Variants in DNAJC6 observed in about 807,000 individuals in gnomAD.
DNAJC6 encodes the protein auxilin.
DNAJC6 carries 34 observed loss-of-function variants against 110.0 expected under a neutral mutation model. That is an observed-to-expected ratio of 0.31 (90% CI 0.24 to 0.41). The LOEUF is 0.41. Among genes scored for constraint, DNAJC6 ranks in the 10% least tolerant of loss-of-function variants. DNAJC6 has a pLI of 1.00. For missense variants in DNAJC6, 1,031 were observed against 1,207.8 expected, an observed-to-expected ratio of 0.85 and a Z score of 2.17; for synonymous variants, 406 against 437.2, an observed-to-expected ratio of 0.93 and a Z score of 0.89.
At chr1:65,320,830 G>T (rs1034315344) in intron 1 of DNAJC6, among the ~76,000 whole-genome samples, 6 of 152,110 alleles carry the variant, frequency 3.9e-5, no homozygotes, top group Admixed American at 3.9e-4. Flanking sequence ...ATCTTCCAGG[G>T]GCTGGTCAGG....
At chr1:65,344,028 T>G (rs1645413755) in intron 1 of DNAJC6, among the ~76,000 whole-genome samples, 1 of 152,192 alleles carries the variant, frequency 6.6e-6, no homozygotes, top group Admixed American at 6.5e-5. Context: ...GACTGTATCC[T>G]CTATGGAAAA....
chr1:65,408,649 C>A lies in DNAJC6; in HGVS notation c.2500C>A (p.Gln834Lys), dbSNP rs762027402. ...CAAAAATTATATTGCAGAAGGGAAACAAAAAGCAGCTGATTTTGAAGACCT... is the reference window on the plus strand; with the variant it reads ...CAAAAATTATATTGCAGAAGGGAAAAAAAAAGCAGCTGATTTTGAAGACCT... The part of the protein sequence containing the change: ...GKGSSNLEGK[Q>K]KAADFEDLLS... The change falls in exon 17 of 19, where the codon CAA becomes AAA. Residue 834 changes from glutamine to lysine, a missense_variant. By Grantham distance (53) the Gln-to-Lys change is moderately conservative (BLOSUM62 1). Coordinates refer to ENST00000371069, the MANE Select transcript of DNAJC6 (RefSeq NM_001256864.2). 12 of 1,608,518 alleles carry A rather than the reference C, an allele frequency of 7.5e-6. No homozygotes were observed. In the South Asian group the frequency reaches 1.1e-4, roughly 15 times the overall value.
intron 1 of DNAJC6, chr1:65,279,253 C>T: frequency 1.4e-6 from 1 of 735,670 alleles, no homozygotes; most frequent in Non-Finnish European, 1.7e-6. Context: ...GCTGTGACTC[C>T]TGCTGCTGTG....
chr1:65,327,923 C>T (rs79644308), intron 1 of DNAJC6, among the ~76,000 whole-genome samples: 8,637 of 152,152 alleles, frequency 0.057, 284 homozygotes, highest in Non-Finnish European at 0.079. Flanking sequence ...CCATGTTGCC[C>T]AGTCTGGTTG....
rs139999688 is a variant in DNAJC6 at position 65,336,007 on chromosome 1, C to A, written c.193+26069C>A. Among the ~76,000 whole-genome samples, 34 of 152,184 alleles carry A rather than the reference C, an allele frequency of 2.2e-4. No individual in the cohort carries two copies. In the East Asian group the frequency reaches 6.4e-3, roughly 29 times the overall value. ...AGGCAGTGAGAAAAGGTTGATTATA[C>A]CTCTTTGTATGTGGTAATATAAAAA... On this transcript the variant is annotated intron_variant, in intron 1 of 18. Coordinates refer to ENST00000371069, the MANE Select transcript of DNAJC6 (RefSeq NM_001256864.2).
At chr1:65,387,638 A>G (rs1395099048) in intron 8 of DNAJC6, among the ~76,000 whole-genome samples, 5 of 152,234 alleles carry the variant, frequency 3.3e-5, no homozygotes, top group Non-Finnish European at 1.5e-5. Flanking sequence ...ATTATCTTAT[A>G]TGGCCAAATA....
chr1:65,283,408 A>T (rs1653913797), intron 1 of DNAJC6, among the ~76,000 whole-genome samples: 1 of 152,112 alleles, frequency 6.6e-6, no homozygotes, highest in Non-Finnish European at 1.5e-5. Flanking sequence ...GGTATCCCCA[A>T]GATTGCCTTT....
Position 65,334,233 on chromosome 1 carries a change from C to T in DNAJC6, c.193+24295C>T, listed in dbSNP as rs144100670. Among the ~76,000 whole-genome samples the T allele has an allele frequency of 2.3e-3, 357 of 152,306 alleles. 1 individual carries two copies. Among genetic ancestry groups the T allele is most frequent in the African/African-American group, 8.0e-3 (332 of 41,560 alleles). On this transcript the variant is annotated intron_variant, in intron 1 of 18. Transcript: ENST00000371069. ...AGTAGGAGAACATGGGTTACAAAAT[C>T]CTTAAGCTTGACAGCCTCTGGCAAG... is the stretch of plus-strand genomic sequence containing the variant.
chr1:65,401,633 T>C (rs1306071622), intron 14 of DNAJC6, 128 bp from the exon 15 acceptor site: 1 of 1,328,952 alleles, frequency 7.5e-7, no homozygotes, highest in East Asian at 2.5e-5. Context: ...TCTAGCAACT[T>C]CTTAGACATT....
At chr1:65,299,825 G>T (rs1331741730) in intron 1 of DNAJC6, among the ~76,000 whole-genome samples, 2 of 151,948 alleles carry the variant, frequency 1.3e-5, no homozygotes, top group Admixed American at 1.3e-4. Flanking sequence ...CGAGGTAGGC[G>T]GATCACCTGA....
Position 65,309,929 on chromosome 1 carries a change from G to A in DNAJC6, c.184G>A (p.Asp62Asn), listed in dbSNP as rs1457875578. ...GCCTCCGGACCGCGCCAGCACCATG[G>A]ACAGCTCAGGTAGCGCTGCCCGAGG... ...RQPPDRASTM[D>N]SSGASSPDME... Residue 62 changes from aspartate to asparagine, a missense_variant, in exon 1 of 19, where the codon GAC (aspartate) becomes AAC (asparagine). Asp to Asn is a conservative substitution (Grantham distance 23, BLOSUM62 1). Coordinates refer to ENST00000371069, the MANE Select transcript of DNAJC6 (RefSeq NM_001256864.2). 6 of 1,500,832 alleles carry A rather than the reference G, an allele frequency of 4.0e-6. No individual in the cohort carries two copies. The highest frequency in any genetic ancestry group is 1.3e-5 in the South Asian group (1 of 78,248). 93.0% of individuals were successfully genotyped at this position (1,500,832 alleles called of 1,614,324 possible).
intron 1 of DNAJC6, among the ~76,000 whole-genome samples, chr1:65,299,252 A>G (rs1644955238): frequency 6.6e-6 from 1 of 152,258 alleles, no homozygotes; most frequent in Non-Finnish European, 1.5e-5. Context: ...TATTGAAGCT[A>G]ATAGTCTCAG....
At chr1:65,312,785 C>A (rs1017808642) in intron 1 of DNAJC6, among the ~76,000 whole-genome samples, 2 of 152,108 alleles carry the variant, frequency 1.3e-5, no homozygotes, top group African/African-American at 2.4e-5. Flanking sequence ...TATTGTTACT[C>A]GCTGAAAAAC....
intron 1 of DNAJC6, among the ~76,000 whole-genome samples, chr1:65,301,717 C>T (rs1644980380): frequency 6.6e-6 from 1 of 152,132 alleles, no homozygotes; most frequent in Non-Finnish European, 1.5e-5. Flanking sequence ...GTCCCCAAAC[C>T]CTGTCCTCTT....
intron 1 of DNAJC6, among the ~76,000 whole-genome samples, chr1:65,337,219 A>T (rs541587367): frequency 2.7e-5 from 4 of 149,714 alleles, no homozygotes; most frequent in Admixed American, 1.3e-4. Context: ...TCGGGGATAT[A>T]CAATGTGTGG....
chr1:65,376,297 C>T (rs1340770757), intron 4 of DNAJC6, among the ~76,000 whole-genome samples: 1 of 151,498 alleles, frequency 6.6e-6, no homozygotes, highest in Non-Finnish European at 1.5e-5. Flanking sequence ...TCTTAGCTTA[C>T]CTAGAGGTTT....
chr1:65,391,301 C>T (rs1202103703), intron 11 of DNAJC6, among the ~76,000 whole-genome samples: 1 of 152,122 alleles, frequency 6.6e-6, no homozygotes, highest in Non-Finnish European at 1.5e-5. Flanking sequence ...TAGCTTATTA[C>T]ATTTTATAAT....
intron 1 of DNAJC6, among the ~76,000 whole-genome samples, chr1:65,358,115 G>A (rs1039295045): frequency 6.7e-6 from 1 of 148,864 alleles, no homozygotes; most frequent in African/African-American, 2.5e-5. Context: ...GGAGGCAGAG[G>A]TTGCAGTGAG....
At chr1:65,350,229 G>A (rs1296044292) in intron 1 of DNAJC6, among the ~76,000 whole-genome samples, 2 of 151,966 alleles carry the variant, frequency 1.3e-5, no homozygotes, top group Non-Finnish European at 2.9e-5. Context: ...AATTTCTGTC[G>A]ACCTGCCTTC....
Sources: allele counts gnomAD v4.1 joint callset (sites outside exome capture counted in the v4.1 genomes callset), GRCh38; gene constraint gnomAD v4.1.1; transcripts MANE v1.5; gene names NCBI Gene and HGNC (gene_info 2026-07-23, HGNC 2026-07-21).